The following ZIM2 variants were observed in gnomAD, a reference collection of about 807,000 sequenced individuals.
ZIM2 encodes the protein zinc finger imprinted 2, also known as zinc finger protein 656.
Under a neutral mutation model 38.6 loss-of-function variants are expected in ZIM2, and 14 were observed. That is an observed-to-expected ratio of 0.36 (90% CI 0.24 to 0.57). ZIM2 has a LOEUF of 0.57. Among genes scored for constraint, ZIM2 ranks in the 20% least tolerant of loss-of-function variants. ZIM2 has a pLI of 0.81. For synonymous variants in ZIM2, 247 were observed against 245.8 expected (o/e 1.00, Z -0.04); for missense variants, 680 against 695.1 (o/e 0.98, Z 0.24).
At chr19:56,793,675 CTCCAAAATG>C (rs908281081) in intron 9 of ZIM2, among the ~76,000 whole-genome samples, 2 of 152,108 alleles carry the variant, frequency 1.3e-5, no homozygotes, top group African/African-American at 4.8e-5. Flanking sequence ...ACTATGCACC[CTCCAAAATG>C]TCCAAAATGA....
In ZIM2 at chr19:56,810,851, C is replaced by T. The variant is rs914495664; in HGVS notation, c.490+6895G>A. ...TTTTTAAAATAATTTACTTTATTTT[C>T]TAATTTTTCCTCTGGGTATGTATTA... On this transcript the variant is annotated intron_variant, in intron 9 of 12. Transcript: ENST00000629319. 3.5e-5 allele frequency: 34 copies of T among 965,558 alleles called. No homozygotes were observed. In the African/African-American group the frequency reaches 6.0e-4, roughly 17 times the overall value. The allele number at this position is 965,558 out of a possible 1,614,324, so 59.8% of individuals were successfully genotyped here. A position where few individuals can be genotyped will look rare whatever the true frequency, so the allele number is the denominator to read the frequency against.
chr19:56,775,349 TC>T lies in ZIM2; in HGVS notation c.1015del (p.Glu339LysfsTer34). The part of the protein sequence containing the change: ...SKDPLGKDPQ[E>X]GTAPGICTSP... ...CGTACATATTCCAGGAGCAGTGCCTTCCTGGGGATCCTTTCCTAGAGGATCC... is the reference window on the plus strand; with the variant it reads ...CGTACATATTCCAGGAGCAGTGCCTTCTGGGGATCCTTTCCTAGAGGATCC... On this transcript the variant is annotated frameshift_variant, in exon 13 of 13. Transcript: ENST00000629319. LOFTEE classifies it low-confidence loss of function (END_TRUNC). The T allele has an allele frequency of 1.2e-6, 2 of 1,614,150 alleles. No individual in the cohort carries two copies. The highest frequency in any genetic ancestry group is 1.7e-6 in the Non-Finnish European group (2 of 1,180,028).
rs2046218331 is a variant in ZIM2 at position 56,779,613 on chromosome 19, CT to C, written c.740-142del. 4.2e-6 allele frequency: 3 copies of C among 719,406 alleles called. No homozygotes were observed. In the East Asian group the frequency reaches 8.3e-5, roughly 20 times the overall value. 44.6% of individuals were successfully genotyped at this position (719,406 alleles called of 1,614,324 possible). A position where few individuals can be genotyped will look rare whatever the true frequency, so the allele number is the denominator to read the frequency against. On this transcript the variant is annotated intron_variant, in intron 11 of 12. Transcript: ENST00000629319. ...TTCCAGCCTACAGAGATTTTACCCCCTAAGGGACATCTAAAATGTATGGAGA... is the reference window on the plus strand; with the variant it reads ...TTCCAGCCTACAGAGATTTTACCCCCAAGGGACATCTAAAATGTATGGAGA...
intron 1 of ZIM2, among the ~76,000 whole-genome samples, chr19:56,839,071 G>C (rs1170941626): frequency 4.0e-5 from 6 of 151,882 alleles, no homozygotes; most frequent in African/African-American, 9.7e-5. Flanking sequence ...GGCGGGCCTT[G>C]TCTCGCCCAA....
chr19:56,806,983 T>C (rs1006609281), intron 9 of ZIM2, among the ~76,000 whole-genome samples: 2 of 152,216 alleles, frequency 1.3e-5, no homozygotes, highest in Admixed American at 6.5e-5. Context: ...TAAGATATTT[T>C]GTTATGGCAG....
At chr19:56,824,462 A>T in intron 3 of ZIM2, 35 bp from the exon 4 acceptor site, 1 of 1,614,066 alleles carries the variant, frequency 6.2e-7, no homozygotes, top group Non-Finnish European at 8.5e-7. Context: ...TCGGAGTTTG[A>T]TCAGGGTCTT....
At chr19:56,817,497 C>T (rs1465401644) in intron 9 of ZIM2, 2 of 1,612,486 alleles carry the variant, frequency 1.2e-6, no homozygotes, top group African/African-American at 2.7e-5. Context: ...TGAATTTTTC[C>T]ATTATCACTC....
At chr19:56,824,741 C>A in intron 3 of ZIM2, 2 of 1,310,474 alleles carry the variant, frequency 1.5e-6, no homozygotes, top group South Asian at 1.4e-5. Flanking sequence ...TACTCAGGGA[C>A]CTGTGGATCG....
chr19:56,819,141 T>C (rs1456349635), intron 7 of ZIM2, among the ~76,000 whole-genome samples: 1 of 151,908 alleles, frequency 6.6e-6, no homozygotes, highest in Non-Finnish European at 1.5e-5. Context: ...AAGGGATTGG[T>C]GGGAAAACTT....
At chr19:56,776,963 AG>A (rs1372354733) in intron 12 of ZIM2, among the ~76,000 whole-genome samples, 2 of 152,252 alleles carry the variant, frequency 1.3e-5, no homozygotes, top group Non-Finnish European at 2.9e-5. Flanking sequence ...ATTTCAGGCC[AG>A]AATGGGAGGA....
At chr19:56,793,358 G>A (rs1476186507) in intron 9 of ZIM2, 1 of 152,568 alleles carries the variant, frequency 6.6e-6, no homozygotes, top group East Asian at 1.9e-4. Context: ...GTCACATCCA[G>A]CATCTCTACA....
At chr19:56,829,705 C>A (rs1263971864) in intron 2 of ZIM2, among the ~76,000 whole-genome samples, 2 of 152,230 alleles carry the variant, frequency 1.3e-5, no homozygotes, top group Non-Finnish European at 2.9e-5. Context: ...TTCAACCCGT[C>A]CTCTACTTGC....
intron 1 of ZIM2, among the ~76,000 whole-genome samples, chr19:56,836,551 G>A (rs1364776266): frequency 2.6e-5 from 4 of 152,188 alleles, no homozygotes; most frequent in African/African-American, 7.2e-5. Context: ...AAGTCCCACT[G>A]CACCTCAGAG....
At chr19:56,792,308 G>C (rs894989528) in intron 9 of ZIM2, among the ~76,000 whole-genome samples, 2 of 151,468 alleles carry the variant, frequency 1.3e-5, no homozygotes, top group African/African-American at 2.4e-5. Flanking sequence ...TGATCCACCC[G>C]GATCACAAGG....
chr19:56,822,821 T>C lies in ZIM2; in HGVS notation c.122A>G (p.Asp41Gly). Residue 41 changes from aspartate (D) to glycine (G), a missense_variant, in exon 6 of 13, where the codon GAC (aspartate) becomes GGC (glycine). Asp to Gly is a moderately conservative substitution (Grantham distance 94). Transcript: ENST00000629319. ...CATGTCTCTGCTTCTGCCCCTCCGG[T>C]CCCAGTCCCGGTCACCTAAGCAGGT... ...VHSFSGDRDW[D>G]RRGRSRDMEP... The C allele has an allele frequency of 6.2e-7, 1 of 1,613,920 alleles. No individual in the cohort carries two copies. Among genetic ancestry groups the C allele is most frequent in the South Asian group, 1.1e-5 (1 of 90,982 alleles).
intron 8 of ZIM2, among the ~76,000 whole-genome samples, chr19:56,818,216 T>A (rs2060160171): frequency 7.2e-5 from 11 of 152,168 alleles, no homozygotes; most frequent in Admixed American, 7.2e-4. Flanking sequence ...CTTACAGACC[T>A]GCAGCACAGC....
chr19:56,835,024 C>G lies in ZIM2; in HGVS notation c.-227+994G>C, dbSNP rs140406519. On this transcript the variant is annotated intron_variant, in intron 2 of 12. Transcript: ENST00000629319. Reference sequence around the variant, plus strand: ...CTCACTGTGCCTCCTCTGAATCAGTCAGCAGGCCATGAACAGAGAAAGTGA... The same window carrying G: ...CTCACTGTGCCTCCTCTGAATCAGTGAGCAGGCCATGAACAGAGAAAGTGA... Among the ~76,000 whole-genome samples, 370 of 152,236 alleles carry G rather than the reference C, an allele frequency of 2.4e-3. 4 individuals are homozygous for G. The highest frequency in any genetic ancestry group is 8.6e-3 in the African/African-American group (358 of 41,534).
chr19:56,782,513 T>C lies in ZIM2; in HGVS notation c.571-392A>G, dbSNP rs962095463. 3.1e-5 allele frequency: 14 copies of C among 448,850 alleles called. No individual in the cohort carries two copies. The East Asian group carries it at 9.8e-4, about 31-fold the overall frequency. The allele number at this position is 448,850 out of a possible 1,614,324, so 27.8% of individuals were successfully genotyped here. A position where few individuals can be genotyped will look rare whatever the true frequency, so the allele number is the denominator to read the frequency against. ...TCATAACATGAAGAAATATTCAATC[T>C]TGTTAATAAACAAGGAGATGAAAAT... is the stretch of plus-strand genomic sequence containing the variant. On this transcript the variant is annotated intron_variant, in intron 10 of 12. Transcript: ENST00000629319.
chr19:56,804,405 G>A (rs2047662926), intron 9 of ZIM2, among the ~76,000 whole-genome samples: 1 of 152,190 alleles, frequency 6.6e-6, no homozygotes, highest in African/African-American at 2.4e-5. Flanking sequence ...TTCCATTACT[G>A]AAGCTACTTC....
Sources: allele counts gnomAD v4.1 joint callset (sites outside exome capture counted in the v4.1 genomes callset), GRCh38; gene constraint gnomAD v4.1.1; transcripts MANE v1.5; gene names NCBI Gene and HGNC (gene_info 2026-07-23, HGNC 2026-07-21).